DPP6: variants seen among roughly 807,000 people sequenced by gnomAD.
DPP6 encodes the protein A-type potassium channel modulatory protein DPP6.
DPP6 carries 69 observed loss-of-function variants against 122.6 expected under a neutral mutation model. The ratio of observed to expected loss-of-function variants is 0.56; its 90% CI spans 0.46 to 0.69. The LOEUF (loss-of-function observed/expected upper bound fraction) is 0.69, where lower values mean the gene tolerates loss of function less well. DPP6 is among the 30% of genes least tolerant of loss of function. The pLI is 0.00. For synonymous variants in DPP6, 418 were observed against 433.1 expected (o/e 0.97, Z 0.43); for missense variants, 928 against 1,116.9 (o/e 0.83, Z 2.41).
intron 1 of DPP6, among the ~76,000 whole-genome samples, chr7:154,133,872 C>G (rs1341642777): frequency 6.7e-6 from 1 of 150,256 alleles, no homozygotes; most frequent in Non-Finnish European, 1.5e-5. Context: ...CCCACAGGAC[C>G]GAGTGAGTCT....
intron 7 of DPP6, among the ~76,000 whole-genome samples, chr7:154,674,348 C>T (rs1235781255): frequency 6.6e-6 from 1 of 152,184 alleles, no homozygotes. Flanking sequence ...CCTGGAAGCA[C>T]ACAGACTTTG....
chr7:154,678,383 C>T (rs1839061121), intron 7 of DPP6, among the ~76,000 whole-genome samples: 1 of 152,218 alleles, frequency 6.6e-6, no homozygotes, highest in African/African-American at 2.4e-5. Context: ...AGCTTCACTT[C>T]TGAAGTCAGT....
At position 154,821,655 on chromosome 7, in the gene DPP6, T is replaced by TATATACACACAC. The variant is rs1563249217; in HGVS notation, c.1666+14548_1666+14549insCACACACATATA. ...ATATATATATATATATACACATATA[T>TATATACACACAC]ATATATATACACATATATATATACA... On this transcript the variant is annotated intron_variant, in intron 16 of 25. Coordinates refer to ENST00000377770, the MANE Select transcript of DPP6 (RefSeq NM_130797.4). This position sits in a 1 kb window ranked among gnomAD's most constrained non-coding sequence, Gnocchi z 4.2. Among the ~76,000 whole-genome samples, 3 of 137,822 alleles carry TATATACACACAC rather than the reference T, an allele frequency of 2.2e-5. No individual in the cohort carries two copies. Among genetic ancestry groups the TATATACACACAC allele is most frequent in the African/African-American group, 2.9e-5 (1 of 34,498 alleles). The allele number at this position is 137,822 out of a possible 152,430, so 90.4% of individuals were successfully genotyped here. A position where few individuals can be genotyped will look rare whatever the true frequency, so the allele number is the denominator to read the frequency against.
intron 1 of DPP6, among the ~76,000 whole-genome samples, chr7:153,980,914 G>C (rs961400813): frequency 1.3e-5 from 2 of 152,172 alleles, no homozygotes; most frequent in African/African-American, 4.8e-5. Context: ...CTGAGAGACT[G>C]TTCGCTTTAA....
chr7:154,581,198 G>A (rs374688608), intron 5 of DPP6, among the ~76,000 whole-genome samples: 119 of 152,250 alleles, frequency 7.8e-4, no homozygotes, highest in African/African-American at 2.2e-3. Flanking sequence ...ACAAAGAGCC[G>A]CGGATACAAG....
chr7:154,257,619 C>A (rs1311678010), intron 1 of DPP6, among the ~76,000 whole-genome samples: 1 of 152,174 alleles, frequency 6.6e-6, no homozygotes, highest in Non-Finnish European at 1.5e-5. Context: ...ATTTTCTGAA[C>A]CTGGGAGGCA....
At chr7:154,415,924 C>T (rs1816975959) in intron 1 of DPP6, among the ~76,000 whole-genome samples, 1 of 151,756 alleles carries the variant, frequency 6.6e-6, no homozygotes, top group African/African-American at 2.4e-5. Context: ...CTCCCTGCTA[C>T]AACCCTTGTG....
At chr7:154,645,821 G>A (rs1310791109) in intron 6 of DPP6, among the ~76,000 whole-genome samples, 2 of 152,002 alleles carry the variant, frequency 1.3e-5, no homozygotes. Flanking sequence ...AAAGTCAGGA[G>A]ATCAAGACCA....
intron 1 of DPP6, among the ~76,000 whole-genome samples, chr7:154,160,645 T>C (rs183514573): frequency 3.0e-4 from 46 of 152,268 alleles, no homozygotes; most frequent in African/African-American, 1.0e-3. Context: ...GGAAAAGTTA[T>C]AGAAGCCAGT....
At chr7:153,855,436 A>G in the DPP6 span, among the ~76,000 whole-genome samples, 1 of 152,186 alleles carries the variant, frequency 6.6e-6, no homozygotes, top group Non-Finnish European at 1.5e-5. Context: ...TTGGACATTT[A>G]AAATAATCCA....
chr7:154,336,665 G>T (rs1809454362), intron 1 of DPP6, among the ~76,000 whole-genome samples: 1 of 152,180 alleles, frequency 6.6e-6, no homozygotes, highest in Admixed American at 6.5e-5. Context: ...TCAGAGTTGT[G>T]GGGAGAAAAC....
intron 21 of DPP6, among the ~76,000 whole-genome samples, chr7:154,883,385 TGCTCA>T (rs1331621139): frequency 4.0e-5 from 3 of 74,960 alleles, no homozygotes; most frequent in African/African-American, 1.7e-4. Flanking sequence ...TACATACACC[TGCTCA>T]CACACACACA....
At chr7:154,776,346 G>A (rs1796573139) in intron 10 of DPP6, among the ~76,000 whole-genome samples, 3 of 152,022 alleles carry the variant, frequency 2.0e-5, no homozygotes, top group South Asian at 4.2e-4. Context: ...ACGAGGATCT[G>A]CACAGAGGCT....
chr7:154,229,671 T>G (rs1800803806), intron 1 of DPP6, among the ~76,000 whole-genome samples: 1 of 152,202 alleles, frequency 6.6e-6, no homozygotes, highest in Non-Finnish European at 1.5e-5. Context: ...CCATAAACTT[T>G]TTATAAAGCA....
chr7:154,828,124 G>C (rs1800326803), intron 16 of DPP6, among the ~76,000 whole-genome samples: 1 of 152,130 alleles, frequency 6.6e-6, no homozygotes, highest in Admixed American at 6.5e-5. Context: ...GAGTGCGCCT[G>C]TGTGAATTTC....
intron 1 of DPP6, among the ~76,000 whole-genome samples, chr7:154,015,657 TCTAAC>T (rs1478413317): frequency 1.3e-5 from 2 of 152,030 alleles, no homozygotes; most frequent in Non-Finnish European, 2.9e-5. Flanking sequence ...TTTCACCTCA[TCTAAC>T]CATTCAGCAA....
chr7:154,379,804 A>G (rs538765425), intron 1 of DPP6, among the ~76,000 whole-genome samples: 57 of 152,346 alleles, frequency 3.7e-4, no homozygotes, highest in Middle Eastern at 3.4e-3. Flanking sequence ...GGTCTAGTGG[A>G]CACAACTTAA....
chr7:154,060,658 GA>G (rs1801666049), intron 1 of DPP6, among the ~76,000 whole-genome samples: 5 of 144,970 alleles, frequency 3.4e-5, no homozygotes, highest in South Asian at 4.5e-4. Flanking sequence ...CCCCCCACGA[GA>G]GTGGCGACTG....
At chr7:154,531,253 G>A (rs1324629599) in intron 3 of DPP6, among the ~76,000 whole-genome samples, 1 of 152,100 alleles carries the variant, frequency 6.6e-6, no homozygotes, top group African/African-American at 2.4e-5. Flanking sequence ...AAAAGCCAAA[G>A]GCAGCACGTA....
Sources: allele counts gnomAD v4.1 joint callset (sites outside exome capture counted in the v4.1 genomes callset), GRCh38; gene constraint gnomAD v4.1.1; non-coding constraint Gnocchi (gnomAD v3.1); transcripts MANE v1.5; gene names NCBI Gene and HGNC (gene_info 2026-07-23, HGNC 2026-07-21).